Variants in NFATC1 observed in about 807,000 individuals in gnomAD.
The protein encoded by NFATC1 is nuclear factor of activated T cells 1, also known as nuclear factor of activated T-cells, cytoplasmic 1.
A neutral mutation model predicts 76.0 loss-of-function variants in NFATC1; 22 were observed. The ratio of observed to expected loss-of-function variants is 0.29; its 90% CI spans 0.21 to 0.41. The LOEUF (loss-of-function observed/expected upper bound fraction) is 0.41. NFATC1 is among the 10% of genes least tolerant of loss of function. The pLI is 1.00. For missense variants in NFATC1, 1,357 were observed against 1,337.7 expected, an observed-to-expected ratio of 1.01 and a Z score of -0.23; for synonymous variants, 704 against 613.1, an observed-to-expected ratio of 1.15 and a Z score of -2.19.
chr18:79,511,329 G>A (rs1002963240), intron 9 of NFATC1, among the ~76,000 whole-genome samples: 11 of 152,166 alleles, frequency 7.2e-5, no homozygotes, highest in East Asian at 1.9e-4. Flanking sequence ...CTGCTTCCGC[G>A]TTGGGAGTTT....
intron 3 of NFATC1, among the ~76,000 whole-genome samples, chr18:79,443,060 G>C (rs2087045826): frequency 6.6e-6 from 1 of 152,232 alleles, no homozygotes; most frequent in Non-Finnish European, 1.5e-5. Context: ...CTGAGCCTGT[G>C]GCTGAGTGCA....
At chr18:79,426,531 T>C (rs1340146098) in intron 2 of NFATC1, among the ~76,000 whole-genome samples, 1 of 152,202 alleles carries the variant, frequency 6.6e-6, no homozygotes, top group Non-Finnish European at 1.5e-5. Flanking sequence ...GGCAGGTGTT[T>C]CCATTTGACC....
chr18:79,474,037 TTC>T lies in NFATC1; in HGVS notation c.2092+6458_2092+6459del, dbSNP rs199990487. 5.8e-4 allele frequency among the ~76,000 whole-genome samples: 83 copies of T among 142,894 alleles called. 1 individual carries two copies. In the East Asian group the frequency reaches 0.016, roughly 28 times the overall value. The allele number at this position is 142,894 out of a possible 152,430, so 93.7% of individuals were successfully genotyped here. A position where few individuals can be genotyped will look rare whatever the true frequency, so the allele number is the denominator to read the frequency against. On this transcript the variant is annotated intron_variant, in intron 8 of 9. Coordinates refer to ENST00000427363, the MANE Select transcript of NFATC1 (RefSeq NM_001278669.2). ...TCGACGTAAACCTGAGGGAAGCGTG[TTC>T]TCACGCTCGCTGTCAACGTAAACCT...
intron 9 of NFATC1, among the ~76,000 whole-genome samples, chr18:79,526,883 C>T (rs546514631): frequency 7.3e-4 from 111 of 152,320 alleles, no homozygotes; most frequent in Admixed American, 1.2e-3. Flanking sequence ...GTGACGTCAG[C>T]GCACGCCCCA....
intron 2 of NFATC1, among the ~76,000 whole-genome samples, chr18:79,423,974 C>A (rs893263309): frequency 1.3e-5 from 2 of 152,168 alleles, no homozygotes; most frequent in Non-Finnish European, 2.9e-5. Context: ...TGGTCCCAGG[C>A]CCCCCTCTGA....
chr18:79,407,768 C>T (rs2085492392), intron 1 of NFATC1, among the ~76,000 whole-genome samples: 1 of 152,184 alleles, frequency 6.6e-6, no homozygotes, highest in Non-Finnish European at 1.5e-5. Flanking sequence ...ATTGACATTA[C>T]TGTTCTCTCT....
chr18:79,419,557 C>T (rs2086000094), intron 2 of NFATC1, among the ~76,000 whole-genome samples: 1 of 146,356 alleles, frequency 6.8e-6, no homozygotes, highest in Admixed American at 6.7e-5. Flanking sequence ...GGGAGCCCCC[C>T]TAGGAGGGTC....
chr18:79,400,044 C>T lies in NFATC1; in HGVS notation c.127+3693C>T, dbSNP rs745337813. On this transcript the variant is annotated intron_variant, in intron 1 of 9. Coordinates refer to ENST00000427363, the MANE Select transcript of NFATC1 (RefSeq NM_001278669.2). ...GTACCTGGTGCCGCTCGTGGGGTCC[C>T]GACGCCCCTACCCCCGGGTCCGGAG... is the stretch of plus-strand genomic sequence containing the variant. 1.0e-3 allele frequency among the ~76,000 whole-genome samples: 156 copies of T among 151,816 alleles called. 3 individuals are homozygous for T. Among genetic ancestry groups the T allele is most frequent in the Admixed American group, 8.5e-3 (130 of 15,286 alleles).
At chr18:79,456,532 CCAG>C (rs1200054103) in intron 6 of NFATC1, among the ~76,000 whole-genome samples, 1 of 152,266 alleles carries the variant, frequency 6.6e-6, no homozygotes, top group East Asian at 1.9e-4. Flanking sequence ...CTCTCCTCCT[CCAG>C]CTGCCCCTGC....
intron 2 of NFATC1, 25 bp downstream of exon 2, chr18:79,411,526 C>CG (rs1555900024): frequency 7.3e-7 from 1 of 1,369,620 alleles, no homozygotes. Flanking sequence ...CGGGGCGGGA[C>CG]GGGGAGGCGA....
chr18:79,493,854 T>TG (rs2089776945), intron 9 of NFATC1: 1 of 152,112 alleles, frequency 6.6e-6, no homozygotes, highest in Admixed American at 6.5e-5. Context: ...GACCGCGGCG[T>TG]GGGGGTTTCA....
chr18:79,434,390 T>A (rs1600701890), intron 3 of NFATC1, among the ~76,000 whole-genome samples: 1 of 152,076 alleles, frequency 6.6e-6, no homozygotes, highest in Non-Finnish European at 1.5e-5. Context: ...GAGGGAGGGG[T>A]GTAATGACCG....
intron 2 of NFATC1, among the ~76,000 whole-genome samples, chr18:79,432,993 C>T (rs894919716): frequency 4.6e-5 from 7 of 152,198 alleles, no homozygotes; most frequent in Non-Finnish European, 7.3e-5. Context: ...CAGCCCTCAC[C>T]GTCGTACCCC....
intron 3 of NFATC1, among the ~76,000 whole-genome samples, chr18:79,445,932 G>A (rs913992221): frequency 6.6e-6 from 1 of 152,228 alleles, no homozygotes; most frequent in Non-Finnish European, 1.5e-5. Flanking sequence ...ATGTCACCGT[G>A]TAAGTGCTGA....
chr18:79,400,226 C>G (rs1164670271), intron 1 of NFATC1: 67 of 1,181,332 alleles, frequency 5.7e-5, no homozygotes, highest in Non-Finnish European at 6.6e-5. Flanking sequence ...GGCCGCGAGC[C>G]GGTTGTTTAT....
intron 1 of NFATC1, among the ~76,000 whole-genome samples, chr18:79,401,453 T>A (rs1477007033): frequency 6.6e-6 from 1 of 151,862 alleles, no homozygotes; most frequent in Non-Finnish European, 1.5e-5. Context: ...CCAAATGTCT[T>A]CCCTGCCTGG....
chr18:79,424,589 C>G (rs1160767972), intron 2 of NFATC1, among the ~76,000 whole-genome samples: 4 of 148,994 alleles, frequency 2.7e-5, no homozygotes, highest in African/African-American at 1.0e-4. Context: ...ATCTCTTTCT[C>G]TGTCTCTCTC....
rs199503337 is a variant in NFATC1, at chr18:79,410,857, G to A, written c.582G>A (p.Ser194=). 1.2e-5 allele frequency: 19 copies of A among 1,610,140 alleles called. No homozygotes were observed. The highest frequency in any genetic ancestry group is 1.1e-4 in the East Asian group (5 of 44,822). ...CCTCCTCCTACGAGTCCAACTACTC[G>A]TACCCGTACGCGTCCCCCCAGACGT... ...SEASSYESNY[S]YPYASPQTSP... Residue 194 remains serine (S), a synonymous_variant, in exon 2 of 10, where the codon TCG becomes TCA. Coordinates refer to ENST00000427363, the MANE Select transcript of NFATC1 (RefSeq NM_001278669.2). This position sits in a 1 kb window ranked among gnomAD's most constrained non-coding sequence, Gnocchi z 6.7.
chr18:79,516,856 T>A (rs9951224), intron 9 of NFATC1, among the ~76,000 whole-genome samples: 16,752 of 152,248 alleles, frequency 0.11, 1,607 homozygotes, highest in African/African-American at 0.25. Context: ...TTTAACCATA[T>A]TTTTATGTAC....
Sources: gnomAD v4.1 joint callset for allele counts (sites outside exome capture counted in the v4.1 genomes callset) on GRCh38, gnomAD v4.1.1 for gene constraint, Gnocchi (gnomAD v3.1) non-coding constraint, MANE v1.5 for transcripts, NCBI Gene and HGNC (gene_info 2026-07-23, HGNC 2026-07-21) for gene names.